SGSM3: variants seen among roughly 807,000 people sequenced by gnomAD.
SGSM3 encodes RUN and SH3 containing 3.
In SGSM3, 96 loss-of-function variants were observed where a neutral mutation model predicts 100.5. That is an observed-to-expected ratio of 0.96 (90% CI 0.81 to 1.13). SGSM3 has a LOEUF of 1.13. SGSM3 is among the 50% of genes most tolerant of loss of function. SGSM3 has a pLI of 0.00. For missense variants in SGSM3, 1,001 were observed against 1,015.8 expected, an observed-to-expected ratio of 0.99 and a Z score of 0.20; for synonymous variants, 483 against 422.8, an observed-to-expected ratio of 1.14 and a Z score of -1.75.
chr22:40,399,065 C>T (rs2050397690), intron 1 of SGSM3, among the ~76,000 whole-genome samples: 1 of 139,572 alleles, frequency 7.2e-6, no homozygotes, highest in South Asian at 2.2e-4. Context: ...CTCACTGCAA[C>T]CTCTGCCTCC....
rs567095431 is a variant in SGSM3, at chr22:40,387,874, T to TCC, written c.-111-12821_-111-12820dup. Among the ~76,000 whole-genome samples the TCC allele has an allele frequency of 7.2e-5, 11 of 152,302 alleles. No individual in the cohort carries two copies. The South Asian group carries it at 2.3e-3, about 32-fold the overall frequency. ...TGGCACAGTTATGAGTGTGAGCAAG[T>TCC]CCGCGTAGGGCAGCTGAGTTTAACT... On this transcript the variant is annotated intron_variant, in intron 1 of 21. Coordinates refer to ENST00000248929, the MANE Select transcript of SGSM3 (RefSeq NM_015705.6).
chr22:40,403,011 G>A (rs2050958316), intron 4 of SGSM3, among the ~76,000 whole-genome samples: 1 of 152,146 alleles, frequency 6.6e-6, no homozygotes, highest in Non-Finnish European at 1.5e-5. Flanking sequence ...CTTCTGATTC[G>A]TAGGCAGGTA....
chr22:40,403,983 T>G (rs1429209174), intron 4 of SGSM3: 1 of 340,964 alleles, frequency 2.9e-6, no homozygotes, highest in Non-Finnish European at 5.3e-6. Context: ...ATCGGGAGAA[T>G]GGAGGTGTCA....
At chr22:40,402,253 GA>G (rs1415382958) in intron 4 of SGSM3, 48 bp downstream of exon 4, 1 of 1,424,042 alleles carries the variant, frequency 7.0e-7, no homozygotes, top group Non-Finnish European at 9.9e-7. Context: ...GTTCTTTGGG[GA>G]GGACTCCGCT....
intron 1 of SGSM3, among the ~76,000 whole-genome samples, chr22:40,393,229 G>A (rs916377992): frequency 2.6e-5 from 4 of 152,136 alleles, no homozygotes; most frequent in Admixed American, 6.5e-5. Context: ...CAATTCTCCC[G>A]CCTCGGCCTC....
At chr22:40,386,467 G>T (rs1306266905) in intron 1 of SGSM3, among the ~76,000 whole-genome samples, 1 of 148,974 alleles carries the variant, frequency 6.7e-6, no homozygotes, top group Non-Finnish European at 1.5e-5. Flanking sequence ...CCAAGTTTTT[G>T]ATTCAGTTTC....
rs2051793463 is a variant in SGSM3 at position 40,407,646 on chromosome 22, A to G, written c.1524+78A>G. The stretch of plus-strand genomic sequence containing the variant: ...ACTCCCTCCACCAAGCCCCACCCCA[A>G]CCCCTTTCCCTGCCAAGAGCTTCTC... On this transcript the variant is annotated intron_variant, in intron 13 of 21. Coordinates refer to ENST00000248929, the MANE Select transcript of SGSM3 (RefSeq NM_015705.6). The surrounding 1 kb of genome is among the most constrained non-coding windows in gnomAD (Gnocchi z 4.7). The G allele has an allele frequency of 2.5e-6, 4 of 1,578,756 alleles. No individual in the cohort carries two copies.
At position 40,409,965 on chromosome 22, in the gene SGSM3, AG is replaced by A; in HGVS notation, c.*208del. 3 of 1,369,542 alleles carry A rather than the reference AG, an allele frequency of 2.2e-6. No homozygotes were observed. Among genetic ancestry groups the A allele is most frequent in the Non-Finnish European group, 2.8e-6 (3 of 1,068,256 alleles). 84.8% of individuals were successfully genotyped at this position (1,369,542 alleles called of 1,614,324 possible). On this transcript the variant is annotated 3_prime_UTR_variant, in exon 22 of 22. Transcript: ENST00000248929. ...CCACCAGGGTCCTTAGGGATGCTCT[AG>A]GCCAAACCACAGTTTGTACCAAAAA...
chr22:40,407,524 C>G lies in SGSM3; in HGVS notation c.1480C>G (p.His494Asp). The G allele has an allele frequency of 6.2e-7, 1 of 1,607,906 alleles. No homozygotes were observed. The highest frequency in any genetic ancestry group is 8.5e-7 in the Non-Finnish European group (1 of 1,179,944). The change falls in exon 13 of 22, where the codon CAC (histidine) becomes GAC (aspartate). Residue 494 changes from histidine (H) to aspartate (D), a missense_variant. Coordinates refer to ENST00000248929, the MANE Select transcript of SGSM3 (RefSeq NM_015705.6). The surrounding 1 kb of genome is among the most constrained non-coding windows in gnomAD (Gnocchi z 4.7). ...RAKALLDFER[H>D]DDDELGFRKN... ...CAAGGCCCTGCTGGACTTTGAGCGG[C>G]ACGACGACGACGAGCTGGGCTTCCG...
intron 1 of SGSM3, among the ~76,000 whole-genome samples, chr22:40,398,583 C>T (rs1022948938): frequency 2.1e-5 from 3 of 141,646 alleles, no homozygotes; most frequent in African/African-American, 7.8e-5. Flanking sequence ...AGGAGTCTTT[C>T]TCATGCTCTC....
chr22:40,405,758 G>A lies in SGSM3; in HGVS notation c.728G>A (p.Gly243Asp). ...PASYFSTTLL[G>D]VQTDQRVLRH... ...TCCTACTTCAGCACCACCCTGCTGG[G>A]TGTCCAGACTGACCAGCGGGTCCTG... The change falls in exon 8 of 22, where the codon GGT becomes GAT. Residue 243 changes from glycine to aspartate, a missense_variant. Physicochemically the swap from Gly to Asp is moderately conservative, Grantham distance 94 (BLOSUM62 -1). Coordinates refer to ENST00000248929, the MANE Select transcript of SGSM3 (RefSeq NM_015705.6). 6.2e-7 allele frequency: 1 copy of A among 1,613,762 alleles called. No homozygotes were observed. Among genetic ancestry groups the A allele is most frequent in the Non-Finnish European group, 8.5e-7 (1 of 1,179,974 alleles).
chr22:40,387,474 A>G (rs1569160764), intron 1 of SGSM3: 3 of 336,672 alleles, frequency 8.9e-6, no homozygotes, highest in Non-Finnish European at 1.1e-5. Context: ...TATATTTATG[A>G]TCTCCTCTTA....
chr22:40,393,178 G>A (rs749619833), intron 1 of SGSM3, among the ~76,000 whole-genome samples: 12 of 152,120 alleles, frequency 7.9e-5, no homozygotes, highest in African/African-American at 1.9e-4. Context: ...GTGCAGTGGC[G>A]CGATCGTGGC....
At chr22:40,402,489 C>G (rs2050884245) in intron 4 of SGSM3, among the ~76,000 whole-genome samples, 1 of 152,196 alleles carries the variant, frequency 6.6e-6, no homozygotes, top group South Asian at 2.1e-4. Flanking sequence ...CCTGTAATCC[C>G]AGCACTTTGG....
Position 40,408,056 on chromosome 22 carries a change from C to T in SGSM3, c.1580-15C>T. The T allele has an allele frequency of 6.2e-7, 1 of 1,611,690 alleles. No individual in the cohort carries two copies. Among genetic ancestry groups the T allele is most frequent in the Non-Finnish European group, 8.5e-7 (1 of 1,179,192 alleles). ...CCCTCGTGGTTGCTCCTTACAGGGCCTGTTTTTCCCACAGGCTGGTTTCCA... is the reference window on the plus strand; with the variant it reads ...CCCTCGTGGTTGCTCCTTACAGGGCTTGTTTTTCCCACAGGCTGGTTTCCA... On this transcript the variant is annotated splice_polypyrimidine_tract_variant and intron_variant, in intron 14 of 21. Coordinates refer to ENST00000248929, the MANE Select transcript of SGSM3 (RefSeq NM_015705.6).
chr22:40,402,167 TCTA>T lies in SGSM3; in HGVS notation c.124_126del (p.Tyr42del). 5 of 1,614,088 alleles carry T rather than the reference TCTA, an allele frequency of 3.1e-6. No individual in the cohort carries two copies. The highest frequency in any genetic ancestry group is 3.4e-6 in the Non-Finnish European group (4 of 1,179,934). On this transcript the variant is annotated inframe_deletion, in exon 4 of 22. Coordinates refer to ENST00000248929, the MANE Select transcript of SGSM3 (RefSeq NM_015705.6). ...GAAGAGTCAGCAGAGCAACCAGAGT[TCTA>T]CTACGATGAGTTTGGTTTCCGTGTG...
intron 1 of SGSM3, chr22:40,379,355 T>G (rs2047188990): frequency 6.6e-6 from 1 of 152,590 alleles, no homozygotes; most frequent in African/African-American, 2.4e-5. Flanking sequence ...TTCGTACCTT[T>G]TCTCTGTTGC....
At chr22:40,400,000 A>T (rs2050532539) in intron 1 of SGSM3, among the ~76,000 whole-genome samples, 1 of 152,202 alleles carries the variant, frequency 6.6e-6, no homozygotes, top group Non-Finnish European at 1.5e-5. Flanking sequence ...TTTAAAGAGA[A>T]CTGGGATTTT....
intron 1 of SGSM3, chr22:40,376,130 A>G (rs2046516530): frequency 6.7e-6 from 1 of 149,386 alleles, no homozygotes; most frequent in Admixed American, 6.7e-5. Flanking sequence ...TCGTTTGTAA[A>G]TATCCTTAAT....
Sources: gnomAD v4.1 joint callset for allele counts (sites outside exome capture counted in the v4.1 genomes callset) on GRCh38, gnomAD v4.1.1 for gene constraint, Gnocchi (gnomAD v3.1) non-coding constraint, MANE v1.5 for transcripts, NCBI Gene and HGNC (gene_info 2026-07-23, HGNC 2026-07-21) for gene names.